Variants in MYT1L observed in about 807,000 individuals in gnomAD.
MYT1L encodes the protein myelin transcription factor 1 like, also known as myelin transcription factor 1-like protein.
Under a neutral mutation model 126.7 loss-of-function variants are expected in MYT1L, and 12 were observed. That is an observed-to-expected ratio of 0.09 (90% CI 0.06 to 0.15). MYT1L has a LOEUF of 0.15. Ranked by LOEUF, MYT1L falls within the 10% of genes least tolerant of loss-of-function variation. MYT1L has a pLI of 1.00. For synonymous variants in MYT1L, 541 were observed against 604.2 expected (o/e 0.90, Z 1.53); for missense variants, 979 against 1,585.2 (o/e 0.62, Z 6.49).
chr2:2,153,763 A>G (rs993946963), intron 3 of MYT1L, among the ~76,000 whole-genome samples: 1 of 151,666 alleles, frequency 6.6e-6, no homozygotes, highest in Non-Finnish European at 1.5e-5. Context: ...GGAAAGGAAG[A>G]CTCTCTGAGT....
intron 18 of MYT1L, among the ~76,000 whole-genome samples, chr2:1,871,646 C>G (rs574174262): frequency 6.6e-6 from 1 of 152,218 alleles, no homozygotes; most frequent in Non-Finnish European, 1.5e-5. Context: ...TCTCACAGGG[C>G]AGATGCCCGG....
At chr2:1,985,276 G>A (rs957496138) in intron 5 of MYT1L, among the ~76,000 whole-genome samples, 2 of 152,246 alleles carry the variant, frequency 1.3e-5, no homozygotes, top group Non-Finnish European at 2.9e-5. Context: ...AGGAGCCAGA[G>A]ATCAGTCCTA....
chr2:1,838,470 T>C (rs1338328382), intron 21 of MYT1L, among the ~76,000 whole-genome samples: 5 of 152,134 alleles, frequency 3.3e-5, no homozygotes, highest in Admixed American at 3.3e-4. Flanking sequence ...CCAAAGGGTA[T>C]GGCCTTCACA....
At chr2:1,955,320 G>C (rs992644915) in intron 8 of MYT1L, among the ~76,000 whole-genome samples, 7 of 152,146 alleles carry the variant, frequency 4.6e-5, no homozygotes, top group Admixed American at 1.3e-4. Context: ...TAAAATTCTG[G>C]TACTTGAATG....
rs1420122327 is a variant in MYT1L at position 2,166,829 on chromosome 2, T to G, written c.-304+6043A>C. Among the ~76,000 whole-genome samples, 3 of 152,230 alleles carry G rather than the reference T, an allele frequency of 2.0e-5. No individual in the cohort carries two copies. The East Asian group carries it at 5.8e-4, about 29-fold the overall frequency. On this transcript the variant is annotated intron_variant, in intron 3 of 24. Coordinates refer to ENST00000647738, the MANE Select transcript of MYT1L (RefSeq NM_001303052.2). ...TTTTTTAGTTTGTCTATCCTATATT[T>G]TTTATGCAAATACAAGCAAATACAT... is the stretch of plus-strand genomic sequence containing the variant.
chr2:2,235,102 G>T (rs1355197700), intron 2 of MYT1L, among the ~76,000 whole-genome samples: 1 of 152,200 alleles, frequency 6.6e-6, no homozygotes, highest in East Asian at 1.9e-4. Context: ...ATTTGTTGTG[G>T]CAACCACAGG....
intron 2 of MYT1L, among the ~76,000 whole-genome samples, chr2:2,209,173 A>G (rs539715519): frequency 6.6e-6 from 1 of 152,200 alleles, no homozygotes. Flanking sequence ...TTTATACAGA[A>G]ATGCAGTGCA....
intron 3 of MYT1L, among the ~76,000 whole-genome samples, chr2:2,135,407 G>A (rs1455079293): frequency 6.6e-6 from 1 of 152,176 alleles, no homozygotes; most frequent in Non-Finnish European, 1.5e-5. Flanking sequence ...GTGGAACTGT[G>A]AGTCCATTAA....
chr2:1,924,791 C>T (rs993897380), intron 9 of MYT1L, among the ~76,000 whole-genome samples: 4 of 152,022 alleles, frequency 2.6e-5, no homozygotes, highest in African/African-American at 9.7e-5. Context: ...AAAAGTATTC[C>T]CCAAGAGCAG....
chr2:2,164,793 G>C (rs1271184601), intron 3 of MYT1L, among the ~76,000 whole-genome samples: 1 of 152,180 alleles, frequency 6.6e-6, no homozygotes, highest in Admixed American at 6.5e-5. Flanking sequence ...CTCAAAGACA[G>C]AGCTTGCCTT....
At chr2:2,015,637 T>A (rs1445140428) in intron 4 of MYT1L, among the ~76,000 whole-genome samples, 1 of 152,104 alleles carries the variant, frequency 6.6e-6, no homozygotes, top group Non-Finnish European at 1.5e-5. Flanking sequence ...GCTTTGCAGC[T>A]GTTTTAGAGA....
rs556118740 is a variant in MYT1L, at chr2:1,934,470, T to A, written c.505+8512A>T. On this transcript the variant is annotated intron_variant, in intron 9 of 24. Transcript: ENST00000647738. Reference sequence around the variant, plus strand: ...TTCTATGAGCTAAAAGGTGAATGCATGAAGTCTCATTTATTTATAAAGCTT... The same window carrying A: ...TTCTATGAGCTAAAAGGTGAATGCAAGAAGTCTCATTTATTTATAAAGCTT... Among the ~76,000 whole-genome samples, 15 of 152,044 alleles carry A rather than the reference T, an allele frequency of 9.9e-5. No homozygotes were observed. The South Asian group carries it at 2.9e-3, about 29-fold the overall frequency.
At chr2:1,877,799 G>GA (rs745948307) in intron 18 of MYT1L, among the ~76,000 whole-genome samples, 123 of 149,720 alleles carry the variant, frequency 8.2e-4, no homozygotes, top group African/African-American at 2.4e-3. Flanking sequence ...CTAAATTGTA[G>GA]AAAAAAAAAA....
At chr2:2,234,047 A>G (rs962670627) in intron 2 of MYT1L, among the ~76,000 whole-genome samples, 13 of 152,342 alleles carry the variant, frequency 8.5e-5, no homozygotes, top group South Asian at 6.2e-4. Flanking sequence ...TCAATCTACT[A>G]TGAAAGTCTA....
chr2:1,907,547 G>C (rs2051251519), intron 13 of MYT1L, among the ~76,000 whole-genome samples: 1 of 152,174 alleles, frequency 6.6e-6, no homozygotes, highest in African/African-American at 2.4e-5. Flanking sequence ...ATCAGAGGGA[G>C]GTAGGAGGGG....
intron 3 of MYT1L, among the ~76,000 whole-genome samples, chr2:2,171,336 T>A (rs986894640): frequency 1.5e-4 from 23 of 152,346 alleles, no homozygotes; most frequent in African/African-American, 5.3e-4. Context: ...GTGAGATTTG[T>A]ATTTGAATGC....
At chr2:2,011,612 G>A (rs999809985) in intron 4 of MYT1L, among the ~76,000 whole-genome samples, 1 of 151,558 alleles carries the variant, frequency 6.6e-6, no homozygotes, top group Non-Finnish European at 1.5e-5. Flanking sequence ...AAGGGGAGAA[G>A]GTATTTAAAA....
chr2:2,293,745 C>T (rs976802095), intron 1 of MYT1L, among the ~76,000 whole-genome samples: 1 of 152,154 alleles, frequency 6.6e-6, no homozygotes, highest in Non-Finnish European at 1.5e-5. Context: ...ACACCAACCC[C>T]CAGGTGCAAG....
Position 1,801,531 on chromosome 2 carries a change from G to A in MYT1L, c.3276+165C>T, listed in dbSNP as rs1425530291. The A allele has an allele frequency of 5.4e-6, 3 of 554,222 alleles. No homozygotes were observed. Among genetic ancestry groups the A allele is most frequent in the Non-Finnish European group, 9.5e-6 (3 of 314,820 alleles). 34.3% of individuals were successfully genotyped at this position (554,222 alleles called of 1,614,324 possible). A position where few individuals can be genotyped will look rare whatever the true frequency, so the allele number is the denominator to read the frequency against. ...CCCCTGCTACAGCGAACACTGCCAC[G>A]GAATGGTGTCTGCGGAAGACCAATA... On this transcript the variant is annotated intron_variant, in intron 23 of 24. Coordinates refer to ENST00000647738, the MANE Select transcript of MYT1L (RefSeq NM_001303052.2). This position sits in a 1 kb window ranked among gnomAD's most constrained non-coding sequence, Gnocchi z 4.2.
Sources: gnomAD v4.1 joint callset for allele counts (sites outside exome capture counted in the v4.1 genomes callset) on GRCh38, gnomAD v4.1.1 for gene constraint, Gnocchi (gnomAD v3.1) non-coding constraint, MANE v1.5 for transcripts, NCBI Gene and HGNC (gene_info 2026-07-23, HGNC 2026-07-21) for gene names.